Variants in AFAP1 observed in about 807,000 individuals in gnomAD.
AFAP1 encodes the protein actin filament-associated protein 1.
Under a neutral mutation model 93.9 loss-of-function variants are expected in AFAP1, and 75 were observed. The ratio of observed to expected loss-of-function variants is 0.80; its 90% CI spans 0.66 to 0.97. The LOEUF (loss-of-function observed/expected upper bound fraction) is 0.97, where lower values mean the gene tolerates loss of function less well. AFAP1 is among the 50% of genes least tolerant of loss of function. AFAP1 has a pLI of 0.00. For synonymous variants in AFAP1, 517 were observed against 430.7 expected (o/e 1.20, Z -2.48); for missense variants, 1,201 against 1,050.8 (o/e 1.14, Z -1.98).
intron 1 of AFAP1, among the ~76,000 whole-genome samples, chr4:7,923,490 TTTTA>T (rs1293935497): frequency 1.3e-5 from 2 of 152,158 alleles, no homozygotes; most frequent in African/African-American, 4.8e-5. Context: ...TCCTCTTCTT[TTTTA>T]TTTGAGATGG....
intron 1 of AFAP1, among the ~76,000 whole-genome samples, chr4:7,930,694 G>A (rs1031808944): frequency 2.0e-5 from 3 of 152,150 alleles, no homozygotes; most frequent in African/African-American, 7.2e-5. Flanking sequence ...TAGAAGCTCT[G>A]GGCCAAAAAC....
intron 17 of AFAP1, among the ~76,000 whole-genome samples, chr4:7,764,830 C>G (rs376355093): frequency 1.3e-5 from 2 of 152,046 alleles, no homozygotes; most frequent in African/African-American, 4.8e-5. Flanking sequence ...CAGGTAGGTG[C>G]AGGGCTCATG....
At chr4:7,872,283 C>T (rs781101520) in intron 1 of AFAP1, 1 of 564,620 alleles carries the variant, frequency 1.8e-6, no homozygotes, top group Non-Finnish European at 2.9e-6. Context: ...TCCTTTGCTT[C>T]TGCTTTAAGG....
In AFAP1 at chr4:7,922,667, A is replaced by T. The variant is rs982179212; in HGVS notation, c.-3+16989T>A. ...ATGAGCCTTGAATGCCAAGCCGGGGAACCTGTCCTTGATCTTAACAATGAA... is the reference window on the plus strand; with the variant it reads ...ATGAGCCTTGAATGCCAAGCCGGGGTACCTGTCCTTGATCTTAACAATGAA... On this transcript the variant is annotated intron_variant, in intron 1 of 17. Transcript: ENST00000420658. Among the ~76,000 whole-genome samples the T allele has an allele frequency of 4.6e-5, 7 of 152,144 alleles. No homozygotes were observed. In the South Asian group the frequency reaches 1.5e-3, roughly 32 times the overall value.
At chr4:7,830,324 A>T (rs1721778441) in intron 6 of AFAP1, among the ~76,000 whole-genome samples, 2 of 152,206 alleles carry the variant, frequency 1.3e-5, no homozygotes, top group Admixed American at 6.5e-5. Flanking sequence ...AGGTGTGCAC[A>T]TACTAAATAA....
intron 1 of AFAP1, among the ~76,000 whole-genome samples, chr4:7,889,692 T>C (rs78863151): frequency 1.4e-5 from 1 of 71,982 alleles, no homozygotes; most frequent in African/African-American, 4.0e-5. Flanking sequence ...AATGAAGCGT[T>C]TTTTTTTTTT....
At chr4:7,770,681 T>G (rs1446382807) in intron 16 of AFAP1, among the ~76,000 whole-genome samples, 1 of 152,026 alleles carries the variant, frequency 6.6e-6, no homozygotes, top group Non-Finnish European at 1.5e-5. Context: ...CTCCCAGGTG[T>G]CTGGAGGTCA....
intron 1 of AFAP1, among the ~76,000 whole-genome samples, chr4:7,916,640 T>C (rs917716303): frequency 6.6e-5 from 10 of 152,208 alleles, no homozygotes; most frequent in Admixed American, 3.9e-4. Flanking sequence ...GGCATAGCAC[T>C]GGCCTTCCAG....
chr4:7,811,899 A>G (rs149296090), intron 8 of AFAP1, among the ~76,000 whole-genome samples: 3 of 151,996 alleles, frequency 2.0e-5, no homozygotes, highest in Admixed American at 6.5e-5. Flanking sequence ...AATCAGACTT[A>G]GGCCTCCTGT....
chr4:7,835,402 T>C (rs1187449718), intron 6 of AFAP1, among the ~76,000 whole-genome samples: 1 of 106,826 alleles, frequency 9.4e-6, no homozygotes, highest in African/African-American at 3.4e-5. Flanking sequence ...GGGTGGCTCT[T>C]GAATGGACTG....
intron 15 of AFAP1, 118 bp downstream of exon 15, chr4:7,774,621 C>G (rs1715898175): frequency 7.1e-7 from 1 of 1,400,252 alleles, no homozygotes; most frequent in Non-Finnish European, 9.6e-7. Flanking sequence ...AGATAACCCA[C>G]TCTTACTAAA....
At chr4:7,784,504 C>T (rs1717081305) in intron 12 of AFAP1, among the ~76,000 whole-genome samples, 1 of 152,152 alleles carries the variant, frequency 6.6e-6, no homozygotes, top group Non-Finnish European at 1.5e-5. Flanking sequence ...CTGGGAGACA[C>T]CCAGCCAATA....
chr4:7,891,182 C>T (rs918900099), intron 1 of AFAP1, among the ~76,000 whole-genome samples: 21 of 152,012 alleles, frequency 1.4e-4, no homozygotes, highest in Non-Finnish European at 2.2e-4. Flanking sequence ...AAAAGGCATG[C>T]TATCTGACTC....
At chr4:7,793,320 C>A (rs563968213) in intron 11 of AFAP1, among the ~76,000 whole-genome samples, 3 of 152,312 alleles carry the variant, frequency 2.0e-5, no homozygotes, top group African/African-American at 7.2e-5. Context: ...AAATCCAGGC[C>A]ACGGCCTGTT....
rs545256325 is a variant in AFAP1 at position 7,764,356 on chromosome 4, C to T, written c.2419-565G>A. 7.2e-4 allele frequency among the ~76,000 whole-genome samples: 109 copies of T among 151,474 alleles called. 1 individual carries two copies. The Middle Eastern group carries it at 0.017, about 24-fold the overall frequency. ...AGGAGTTTGAGACCAGCCTAGGCAA[C>T]GTAGCGAGACCGCATCATGTCTATT... On this transcript the variant is annotated intron_variant, in intron 17 of 17. Coordinates refer to ENST00000420658, the MANE Select transcript of AFAP1 (RefSeq NM_001134647.2).
At chr4:7,819,590 T>C (rs1400378296) in intron 6 of AFAP1, among the ~76,000 whole-genome samples, 4 of 152,162 alleles carry the variant, frequency 2.6e-5, no homozygotes, top group African/African-American at 9.7e-5. Context: ...GGTCCAGCCA[T>C]GCGAACAACT....
chr4:7,911,352 C>G (rs1049411360), intron 1 of AFAP1, among the ~76,000 whole-genome samples: 1 of 152,334 alleles, frequency 6.6e-6, no homozygotes, highest in African/African-American at 2.4e-5. Context: ...GAAAACCAAA[C>G]TGTGAGCTGT....
chr4:7,838,250 C>T (rs945999938), intron 6 of AFAP1, among the ~76,000 whole-genome samples: 1 of 152,104 alleles, frequency 6.6e-6, no homozygotes, highest in African/African-American at 2.4e-5. Flanking sequence ...CATATGCAGA[C>T]ACAATAAAGT....
intron 5 of AFAP1, among the ~76,000 whole-genome samples, chr4:7,839,230 G>C (rs1712694362): frequency 6.6e-6 from 1 of 151,912 alleles, no homozygotes; most frequent in Non-Finnish European, 1.5e-5. Flanking sequence ...CAGCTGCTTG[G>C]GAGGCTGAGG....
Sources: gnomAD v4.1 joint callset for allele counts (sites outside exome capture counted in the v4.1 genomes callset) on GRCh38, gnomAD v4.1.1 for gene constraint, MANE v1.5 for transcripts, NCBI Gene and HGNC (gene_info 2026-07-23, HGNC 2026-07-21) for gene names.